Variants in POMT2 observed in about 807,000 individuals in gnomAD.
POMT2 encodes the protein protein O-mannosyltransferase 2.
A neutral mutation model predicts 100.0 loss-of-function variants in POMT2; 75 were observed. The ratio of observed to expected loss-of-function variants is 0.75; its 90% CI spans 0.62 to 0.91. The LOEUF (loss-of-function observed/expected upper bound fraction) is 0.91. Ranked by LOEUF, POMT2 falls within the 40% of genes least tolerant of loss-of-function variation. POMT2 has a pLI of 0.00. For missense variants in POMT2, 940 were observed against 955.1 expected, an observed-to-expected ratio of 0.98 and a Z score of 0.21; for synonymous variants, 378 against 374.1, an observed-to-expected ratio of 1.01 and a Z score of -0.12.
chr14:77,278,760 G>A lies in POMT2; in HGVS notation c.2001C>T (p.Phe667=), dbSNP rs1259330969. The A allele has an allele frequency of 6.2e-7, 1 of 1,613,972 alleles. No individual in the cohort carries two copies. The highest frequency in any genetic ancestry group is 1.3e-5 in the African/African-American group (1 of 75,042). The change falls in exon 19 of 21, where the codon TTC becomes TTT. Residue 667 remains phenylalanine, a synonymous_variant. Coordinates refer to ENST00000261534, the MANE Select transcript of POMT2 (RefSeq NM_013382.7). ...ACATGCTTGAGAAGAGCATGGCTGG[G>A]AAGTAGTGGTGGAAGTAGAGGACCC... is the stretch of plus-strand genomic sequence containing the variant. ...MGRVLYFHHY[F]PAMLFSSMLT...
chr14:77,278,911 G>C, intron 18 of POMT2, 42 bp from the exon 19 acceptor site: 1 of 1,599,520 alleles, frequency 6.3e-7, no homozygotes. Context: ...ACAAGGAGCG[G>C]GCAGAGATTC....
intron 6 of POMT2, chr14:77,299,801 C>T (rs1890956894): frequency 4.3e-6 from 2 of 465,664 alleles, no homozygotes; most frequent in East Asian, 8.6e-5. Context: ...CCCAAAACCC[C>T]AGGATGTTAC....
Position 77,318,774 on chromosome 14 carries a change from C to T in POMT2, c.248+1660G>A, listed in dbSNP as rs527880068. Among the ~76,000 whole-genome samples, 4 of 136,840 alleles carry T rather than the reference C, an allele frequency of 2.9e-5. No individual in the cohort carries two copies. The South Asian group carries it at 6.9e-4, about 23-fold the overall frequency. The allele number at this position is 136,840 out of a possible 152,430, so 89.8% of individuals were successfully genotyped here. A position where few individuals can be genotyped will look rare whatever the true frequency, so the allele number is the denominator to read the frequency against. On this transcript the variant is annotated intron_variant, in intron 1 of 20. Coordinates refer to ENST00000261534, the MANE Select transcript of POMT2 (RefSeq NM_013382.7). Reference sequence around the variant, plus strand: ...TTTTTGAGACAGAGTCTGGCTTTGTCGCCTAGGCTGGAATGCAATGGTGCG... The same window carrying T: ...TTTTTGAGACAGAGTCTGGCTTTGTTGCCTAGGCTGGAATGCAATGGTGCG...
At chr14:77,283,649 T>C (rs1036588503) in intron 15 of POMT2, 148 bp downstream of exon 15, 4 of 771,476 alleles carry the variant, frequency 5.2e-6, no homozygotes, top group African/African-American at 1.7e-5. Context: ...GGAAATGCCT[T>C]TGAGGATCAC....
intron 2 of POMT2, among the ~76,000 whole-genome samples, chr14:77,309,015 G>A (rs1295538235): frequency 6.6e-6 from 1 of 152,090 alleles, no homozygotes; most frequent in African/African-American, 2.4e-5. Context: ...AGAATGAAGC[G>A]CATCTTCATG....
Position 77,285,310 on chromosome 14 carries a change from C to T in POMT2, c.1484+171G>A, listed in dbSNP as rs191615788. The T allele has an allele frequency of 1.8e-5, 16 of 895,808 alleles. No homozygotes were observed. In the Admixed American group the frequency reaches 4.3e-4, roughly 24 times the overall value. The allele number at this position is 895,808 out of a possible 1,614,324, so 55.5% of individuals were successfully genotyped here. A position where few individuals can be genotyped will look rare whatever the true frequency, so the allele number is the denominator to read the frequency against. ...GAACACATAAAACACCGAAGCTCCC[C>T]CGGAGTTCTGTGCTCCATAATACAC... On this transcript the variant is annotated intron_variant, in intron 13 of 20. Coordinates refer to ENST00000261534, the MANE Select transcript of POMT2 (RefSeq NM_013382.7).
chr14:77,277,296 TG>T lies in POMT2; in HGVS notation c.*79del. 7.9e-7 allele frequency: 1 copy of T among 1,269,902 alleles called. No homozygotes were observed. The highest frequency in any genetic ancestry group is 1.1e-6 in the Non-Finnish European group (1 of 877,444). 78.7% of individuals were successfully genotyped at this position (1,269,902 alleles called of 1,614,324 possible). ...TCGGGCTCCTTAGGCAGCTTCCTCA[TG>T]GCCGGATGGTCCAGTACTGCTTCCC... is the stretch of plus-strand genomic sequence containing the variant. On this transcript the variant is annotated 3_prime_UTR_variant, in exon 21 of 21. Coordinates refer to ENST00000261534, the MANE Select transcript of POMT2 (RefSeq NM_013382.7).
Position 77,278,598 on chromosome 14 carries a change from A to G in POMT2, c.2033-90T>C. The G allele has an allele frequency of 3.4e-6, 5 of 1,466,222 alleles. No individual in the cohort carries two copies. The South Asian group carries it at 4.7e-5, about 14-fold the overall frequency. The allele number at this position is 1,466,222 out of a possible 1,614,324, so 90.8% of individuals were successfully genotyped here. A position where few individuals can be genotyped will look rare whatever the true frequency, so the allele number is the denominator to read the frequency against. Reference sequence around the variant, plus strand: ...GGAGGCACTCCAAGTCAAGGAGCAGAGAGTCACTCCCAGCACTGCTGCCCC... The same window carrying G: ...GGAGGCACTCCAAGTCAAGGAGCAGGGAGTCACTCCCAGCACTGCTGCCCC... On this transcript the variant is annotated intron_variant, in intron 19 of 20. Coordinates refer to ENST00000261534, the MANE Select transcript of POMT2 (RefSeq NM_013382.7).
At position 77,302,918 on chromosome 14, in the gene POMT2, C is replaced by T; in HGVS notation, c.573G>A (p.Gln191=). ...TFDTGCLTLS[Q]YILLDPILMF... is the part of the protein sequence containing the mutation. ...TCAGGATGGGGTCAAGGAGGATGTA[C>T]TGGGACAGAGTGAGGCATCCCGTGT... The change falls in exon 5 of 21, where the codon CAG becomes CAA. Residue 191 remains glutamine (Q), a synonymous_variant. Coordinates refer to ENST00000261534, the MANE Select transcript of POMT2 (RefSeq NM_013382.7). 1.2e-6 allele frequency: 2 copies of T among 1,613,678 alleles called. No individual in the cohort carries two copies. Among genetic ancestry groups the T allele is most frequent in the Non-Finnish European group, 1.7e-6 (2 of 1,179,662 alleles).
At chr14:77,305,960 C>T (rs1412330974) in intron 3 of POMT2, among the ~76,000 whole-genome samples, 1 of 152,204 alleles carries the variant, frequency 6.6e-6, no homozygotes, top group African/African-American at 2.4e-5. Flanking sequence ...GCAGCTGTGG[C>T]TGTGAGGGGA....
At chr14:77,312,156 T>C in intron 1 of POMT2, 123 bp from the exon 2 acceptor site, 1 of 1,446,790 alleles carries the variant, frequency 6.9e-7, no homozygotes, top group Non-Finnish European at 9.2e-7. Context: ...AAAGTCTGGA[T>C]TTAAAAAAAA....
rs150989748 is a variant in POMT2, at chr14:77,306,979, C to T, written c.334-538G>A. 5.6e-3 allele frequency: 952 copies of T among 169,802 alleles called. 11 individuals carry two copies. The highest frequency in any genetic ancestry group is 0.021 in the African/African-American group (890 of 41,646). 10.5% of individuals were successfully genotyped at this position (169,802 alleles called of 1,614,324 possible). A position where few individuals can be genotyped will look rare whatever the true frequency, so the allele number is the denominator to read the frequency against. ...GGGGAAGAGAAAAACTGCCAAAGGCCAGAGGCTGGTTTCTCCCATTCCTAA... is the reference window on the plus strand; with the variant it reads ...GGGGAAGAGAAAAACTGCCAAAGGCTAGAGGCTGGTTTCTCCCATTCCTAA... On this transcript the variant is annotated intron_variant, in intron 2 of 20. Coordinates refer to ENST00000261534, the MANE Select transcript of POMT2 (RefSeq NM_013382.7).
chr14:77,316,409 A>T (rs939188356), intron 1 of POMT2, among the ~76,000 whole-genome samples: 1 of 151,960 alleles, frequency 6.6e-6, no homozygotes, highest in Admixed American at 6.6e-5. Flanking sequence ...CTCAGCTCTT[A>T]AAAAATCTGT....
In POMT2 at chr14:77,320,619, A is replaced by T; in HGVS notation, c.63T>A (p.Cys21Ter). 1.3e-6 allele frequency: 2 copies of T among 1,590,158 alleles called. No homozygotes were observed. The highest frequency in any genetic ancestry group is 2.0e-4 in the Middle Eastern group (1 of 5,046). ...CTGCGGCCCTAGCAGCCTGGGGGCC[A>T]CAGCGGCCCCTCCGGGGACGCAGCT... is the stretch of plus-strand genomic sequence containing the variant. ...ESELRPRRGR[C>*]GPQAARAAGR... Residue 21 changes from cysteine (C) to a stop codon, truncating the protein, a stop_gained, in exon 1 of 21, where the codon TGT (cysteine) becomes TGA (stop). Coordinates refer to ENST00000261534, the MANE Select transcript of POMT2 (RefSeq NM_013382.7). LOFTEE classifies it high-confidence loss of function.
chr14:77,288,222 C>T (rs1594786814), intron 11 of POMT2, among the ~76,000 whole-genome samples: 5 of 152,358 alleles, frequency 3.3e-5, no homozygotes, highest in Admixed American at 3.3e-4. Context: ...CCTGGTAACT[C>T]TTTAATATCT....
At position 77,298,579 on chromosome 14, in the gene POMT2, C is replaced by T. The variant is rs753552702; in HGVS notation, c.1006+110G>A. On this transcript the variant is annotated intron_variant, in intron 8 of 20. Transcript: ENST00000261534. ...AGATCTATCTGGGTCTTTCTCCCAC[C>T]GTGCCATCACAGGCTAAAATAACCC... 170 of 1,136,250 alleles carry T rather than the reference C, an allele frequency of 1.5e-4. 1 individual carries two copies. Among genetic ancestry groups the T allele is most frequent in the South Asian group, 3.6e-4 (27 of 75,818 alleles). 70.4% of individuals were successfully genotyped at this position (1,136,250 alleles called of 1,614,324 possible).
At chr14:77,288,351 G>A (rs1338646987) in intron 11 of POMT2, among the ~76,000 whole-genome samples, 2 of 152,158 alleles carry the variant, frequency 1.3e-5, no homozygotes, top group South Asian at 2.1e-4. Flanking sequence ...AGACTCCTAC[G>A]TCTTTCTAAA....
intron 5 of POMT2, among the ~76,000 whole-genome samples, chr14:77,301,558 G>A (rs1891044186): frequency 6.6e-6 from 1 of 152,218 alleles, no homozygotes; most frequent in Non-Finnish European, 1.5e-5. Flanking sequence ...AGTCAGGCAG[G>A]AGTAAAAGGA....
intron 12 of POMT2, 137 bp from the exon 13 acceptor site, chr14:77,285,769 G>A: frequency 9.5e-7 from 1 of 1,053,482 alleles, no homozygotes; most frequent in Non-Finnish European, 1.5e-6. Flanking sequence ...GATAGAGATG[G>A]GCAAGGTTAC....
Sources: gnomAD v4.1 joint callset for allele counts (sites outside exome capture counted in the v4.1 genomes callset) on GRCh38, gnomAD v4.1.1 for gene constraint, MANE v1.5 for transcripts, NCBI Gene and HGNC (gene_info 2026-07-23, HGNC 2026-07-21) for gene names.